The following CAST variants were observed in gnomAD, a reference collection of about 807,000 sequenced individuals.
CAST encodes the protein MIR583 host.
CAST carries 76 observed loss-of-function variants against 119.6 expected under a neutral mutation model. That is an observed-to-expected ratio of 0.64 (90% confidence interval 0.53 to 0.77). The LOEUF (loss-of-function observed/expected upper bound fraction) is 0.77, where lower values mean the gene tolerates loss of function less well. CAST is among the 30% of genes least tolerant of loss of function. CAST has a pLI of 0.00. For synonymous variants in CAST, 319 were observed against 331.6 expected (o/e 0.96, Z 0.41); for missense variants, 953 against 946.5 (o/e 1.01, Z -0.09).
chr5:96,758,020 A>G (rs1173564152), intron 24 of CAST, among the ~76,000 whole-genome samples: 1 of 152,080 alleles, frequency 6.6e-6, no homozygotes, highest in African/African-American at 2.4e-5. Context: ...GCAGAAATAA[A>G]TGGAAACTGG....
At chr5:96,743,754 A>G (rs376294882) in intron 16 of CAST, 97 of 1,540,404 alleles carry the variant, frequency 6.3e-5, no homozygotes, top group Non-Finnish European at 1.4e-5. Flanking sequence ...CAAGTAATGT[A>G]TTGGGAAGAA....
the CAST span, among the ~76,000 whole-genome samples, chr5:96,124,620 T>C: frequency 6.6e-6 from 1 of 152,182 alleles, no homozygotes. Context: ...TCCATTTTCC[T>C]TTCGTTAATT....
At chr5:96,445,710 CA>C in the CAST span, among the ~76,000 whole-genome samples, 1 of 152,176 alleles carries the variant, frequency 6.6e-6, no homozygotes, top group Non-Finnish European at 1.5e-5. Flanking sequence ...GCATTTTCTG[CA>C]GATCACTGGC....
the CAST span, among the ~76,000 whole-genome samples, chr5:95,976,599 G>A: frequency 2.6e-5 from 4 of 152,170 alleles, no homozygotes; most frequent in African/African-American, 9.6e-5. Context: ...CCTATCTCTT[G>A]TTTATTATTT....
chr5:96,148,273 G>T, the CAST span, among the ~76,000 whole-genome samples: 1 of 152,126 alleles, frequency 6.6e-6, no homozygotes, highest in Non-Finnish European at 1.5e-5. Context: ...CCTCTGATAT[G>T]TTGAAACAAT....
intron 1 of CAST, among the ~76,000 whole-genome samples, chr5:96,544,548 A>G (rs1745970209): frequency 6.6e-6 from 1 of 152,172 alleles, no homozygotes; most frequent in African/African-American, 2.4e-5. Context: ...GTATAGTGTT[A>G]TGTAAAACTG....
the CAST span, among the ~76,000 whole-genome samples, chr5:96,479,468 T>G: frequency 4.9e-3 from 715 of 144,516 alleles, 25 homozygotes; most frequent in African/African-American, 0.014. Flanking sequence ...TTTTTTTTTT[T>G]GAGATGGAGT....
At chr5:96,429,851 C>G in the CAST span, among the ~76,000 whole-genome samples, 1 of 152,126 alleles carries the variant, frequency 6.6e-6, no homozygotes, top group Non-Finnish European at 1.5e-5. Context: ...CATTAGCTCA[C>G]AGTAGGAGGC....
chr5:96,070,945 G>C, the CAST span, among the ~76,000 whole-genome samples: 1 of 152,138 alleles, frequency 6.6e-6, no homozygotes, highest in Non-Finnish European at 1.5e-5. Context: ...GAAATCTACA[G>C]TGTCATGGAA....
intron 1 of CAST, among the ~76,000 whole-genome samples, chr5:96,625,734 G>T (rs1747707017): frequency 6.6e-6 from 1 of 152,144 alleles, no homozygotes; most frequent in Non-Finnish European, 1.5e-5. Flanking sequence ...TCTTGGGAAG[G>T]ACAGATGGCT....
the CAST span, among the ~76,000 whole-genome samples, chr5:96,235,621 C>T: frequency 4.6e-5 from 7 of 152,044 alleles, no homozygotes; most frequent in South Asian, 1.2e-3. Context: ...TTGGATTAAT[C>T]CCAAGAGTTC....
At chr5:95,993,652 T>G in the CAST span, among the ~76,000 whole-genome samples, 4 of 152,264 alleles carry the variant, frequency 2.6e-5, no homozygotes, top group South Asian at 8.3e-4. Flanking sequence ...CCCCCAAATT[T>G]AAAATTTTAT....
chr5:96,044,689 C>A, the CAST span, among the ~76,000 whole-genome samples: 1 of 151,978 alleles, frequency 6.6e-6, no homozygotes, highest in East Asian at 1.9e-4. Flanking sequence ...CATAATAGTT[C>A]CAAACTGGGA....
chr5:96,246,294 T>G, the CAST span, among the ~76,000 whole-genome samples: 25 of 150,582 alleles, frequency 1.7e-4, no homozygotes, highest in Non-Finnish European at 4.4e-5. Flanking sequence ...GCCATTCTCC[T>G]GCCTCAGCCT....
At chr5:95,974,688 G>A in the CAST span, among the ~76,000 whole-genome samples, 1 of 152,172 alleles carries the variant, frequency 6.6e-6, no homozygotes, top group East Asian at 1.9e-4. Flanking sequence ...TGCTACTGAA[G>A]CCAGTTTCAT....
chr5:96,511,931 A>G, the CAST span, among the ~76,000 whole-genome samples: 2 of 152,228 alleles, frequency 1.3e-5, no homozygotes, highest in African/African-American at 2.4e-5. Flanking sequence ...TGGCCCGGTT[A>G]CCTGGCACAG....
At chr5:96,171,260 G>A in the CAST span, among the ~76,000 whole-genome samples, 1 of 152,178 alleles carries the variant, frequency 6.6e-6, no homozygotes, top group Non-Finnish European at 1.5e-5. Flanking sequence ...TTGTATTGGG[G>A]CCAAGCGGTG....
the CAST span, among the ~76,000 whole-genome samples, chr5:96,079,584 GA>G: frequency 6.6e-6 from 1 of 152,120 alleles, no homozygotes; most frequent in African/African-American, 2.4e-5. Context: ...GATATACAAT[GA>G]AAAATGAATT....
chr5:96,364,377 G>T, the CAST span, among the ~76,000 whole-genome samples: 1 of 152,092 alleles, frequency 6.6e-6, no homozygotes, highest in African/African-American at 2.4e-5. Context: ...CCCTCTTTTT[G>T]TATTGATTGG....
Sources: allele counts gnomAD v4.1 joint callset (sites outside exome capture counted in the v4.1 genomes callset), GRCh38; gene constraint gnomAD v4.1.1; transcripts MANE v1.5; gene names NCBI Gene and HGNC (gene_info 2026-07-23, HGNC 2026-07-21).